The following SUGCT variants were observed in gnomAD, a reference collection of about 807,000 sequenced individuals.
SUGCT encodes the protein succinyl-CoA:glutarate CoA-transferase.
SUGCT carries 41 observed loss-of-function variants against 55.0 expected under a neutral mutation model. The ratio of observed to expected loss-of-function variants is 0.74; its 90% CI spans 0.58 to 0.97. The LOEUF is 0.97. Ranked by LOEUF, SUGCT falls within the 50% of genes least tolerant of loss-of-function variation. SUGCT has a pLI of 0.00. For synonymous variants in SUGCT, 187 were observed against 200.4 expected (o/e 0.93, Z 0.56); for missense variants, 568 against 547.8 (o/e 1.04, Z -0.37).
chr7:40,739,738 T>C (rs1229667492), intron 12 of SUGCT, among the ~76,000 whole-genome samples: 7 of 152,094 alleles, frequency 4.6e-5, no homozygotes, highest in African/African-American at 1.7e-4. Flanking sequence ...TATTTCTGAG[T>C]TCTCTGTTGT....
intron 6 of SUGCT, among the ~76,000 whole-genome samples, chr7:40,211,925 A>G (rs1024397355): frequency 6.6e-6 from 1 of 152,072 alleles, no homozygotes; most frequent in Non-Finnish European, 1.5e-5. Flanking sequence ...TGCATTTTCT[A>G]TCCTAAGTAT....
intron 9 of SUGCT, among the ~76,000 whole-genome samples, chr7:40,438,189 T>C (rs934756282): frequency 4.6e-5 from 7 of 152,144 alleles, no homozygotes; most frequent in African/African-American, 7.2e-5. Flanking sequence ...AAATTCTCAA[T>C]TGACCTTCTC....
At chr7:40,974,496 C>G in the SUGCT span, among the ~76,000 whole-genome samples, 2 of 152,158 alleles carry the variant, frequency 1.3e-5, no homozygotes, top group Admixed American at 1.3e-4. Context: ...GACAAGAGCC[C>G]TCGGCAGAAA....
chr7:40,675,357 C>A (rs1057238252), intron 12 of SUGCT, among the ~76,000 whole-genome samples: 6 of 152,144 alleles, frequency 3.9e-5, no homozygotes, highest in African/African-American at 9.7e-5. Context: ...CCACGCCTGA[C>A]CAATTTCTCA....
At chr7:40,828,311 T>G (rs889328012) in intron 13 of SUGCT, among the ~76,000 whole-genome samples, 1 of 152,088 alleles carries the variant, frequency 6.6e-6, no homozygotes, top group African/African-American at 2.4e-5. Flanking sequence ...CATGTTCCAG[T>G]TGGGGGCTAT....
intron 8 of SUGCT, 83 bp downstream of exon 8, chr7:40,274,739 A>G: frequency 7.7e-7 from 1 of 1,297,288 alleles, no homozygotes; most frequent in Non-Finnish European, 1.1e-6. Context: ...CTATGGTCAC[A>G]TGTACAAAAA....
chr7:40,222,984 T>TC (rs1788106837), intron 6 of SUGCT, among the ~76,000 whole-genome samples: 1 of 137,434 alleles, frequency 7.3e-6, no homozygotes, highest in Non-Finnish European at 1.5e-5. Context: ...ATTTTTCATT[T>TC]CTTTCCTTCC....
intron 13 of SUGCT, among the ~76,000 whole-genome samples, chr7:40,852,908 A>C (rs1428287992): frequency 1.3e-5 from 2 of 152,086 alleles, no homozygotes; most frequent in Non-Finnish European, 2.9e-5. Context: ...CAGAAAGTAA[A>C]TTCCAGAGCA....
chr7:40,865,638 G>A (rs1195421486), downstream of SUGCT, among the ~76,000 whole-genome samples: 3 of 152,180 alleles, frequency 2.0e-5, no homozygotes, highest in African/African-American at 7.2e-5. Context: ...TTGCTGTTGT[G>A]GTTACAGAGG....
At chr7:40,619,616 T>C (rs1799171362) in intron 12 of SUGCT, among the ~76,000 whole-genome samples, 1 of 152,238 alleles carries the variant, frequency 6.6e-6, no homozygotes, top group African/African-American at 2.4e-5. Context: ...TGTGGGAGAA[T>C]ATATTTTTAT....
chr7:40,262,400 C>G (rs1331281274), intron 7 of SUGCT, among the ~76,000 whole-genome samples: 1 of 150,156 alleles, frequency 6.7e-6, no homozygotes, highest in Non-Finnish European at 1.5e-5. Flanking sequence ...CCTGTAGTCT[C>G]AGCACTTTGG....
At chr7:40,786,459 A>G (rs1790018360) in intron 13 of SUGCT, among the ~76,000 whole-genome samples, 1 of 152,184 alleles carries the variant, frequency 6.6e-6, no homozygotes, top group African/African-American at 2.4e-5. Context: ...TAAACTGGCA[A>G]TCACGTCTGA....
At chr7:40,329,031 A>G (rs1280927609) in intron 9 of SUGCT, among the ~76,000 whole-genome samples, 1 of 152,148 alleles carries the variant, frequency 6.6e-6, no homozygotes, top group African/African-American at 2.4e-5. Context: ...ACACAGGACT[A>G]GTTTATGGAA....
At chr7:40,242,524 G>A (rs1789477197) in intron 7 of SUGCT, among the ~76,000 whole-genome samples, 1 of 151,894 alleles carries the variant, frequency 6.6e-6, no homozygotes, top group Non-Finnish European at 1.5e-5. Flanking sequence ...AACTTGATAT[G>A]TAAAGTACTA....
At chr7:40,794,710 AT>A (rs954151462) in intron 13 of SUGCT, among the ~76,000 whole-genome samples, 4 of 152,102 alleles carry the variant, frequency 2.6e-5, no homozygotes, top group African/African-American at 9.6e-5. Flanking sequence ...TTCCGGAAAG[AT>A]TTTTTATTTA....
At chr7:40,794,093 T>C (rs1260629652) in intron 13 of SUGCT, among the ~76,000 whole-genome samples, 1 of 152,192 alleles carries the variant, frequency 6.6e-6, no homozygotes, top group Admixed American at 6.6e-5. Context: ...ATAGCTGAAC[T>C]ATTTAAGGAT....
chr7:40,854,467 T>C (rs942047402), intron 13 of SUGCT, among the ~76,000 whole-genome samples: 9 of 148,236 alleles, frequency 6.1e-5, no homozygotes, highest in African/African-American at 2.3e-4. Context: ...TTTCTTTCTT[T>C]CTTTCTTTCT....
intron 12 of SUGCT, among the ~76,000 whole-genome samples, chr7:40,722,067 G>A (rs1458176949): frequency 6.6e-6 from 1 of 151,184 alleles, no homozygotes; most frequent in Non-Finnish European, 1.5e-5. Context: ...CATTCTCCCA[G>A]TAATTTTTTT....
At chr7:40,575,127 G>GA (rs202056398) in intron 12 of SUGCT, among the ~76,000 whole-genome samples, 3 of 112,992 alleles carry the variant, frequency 2.7e-5, no homozygotes, top group African/African-American at 9.5e-5. Context: ...GGCGGGGGTG[G>GA]GGGTGGAGAT....
Sources: gnomAD v4.1 joint callset for allele counts (sites outside exome capture counted in the v4.1 genomes callset) on GRCh38, gnomAD v4.1.1 for gene constraint, MANE v1.5 for transcripts, NCBI Gene and HGNC (gene_info 2026-07-23, HGNC 2026-07-21) for gene names.